Variants in CENPM observed in about 807,000 individuals in gnomAD.
CENPM encodes the protein interphase centromere complex protein 39.
A neutral mutation model predicts 19.6 loss-of-function variants in CENPM; 14 were observed. That is an observed-to-expected ratio of 0.71 (90% CI 0.47 to 1.11). CENPM has a LOEUF of 1.11. Among genes scored for constraint, CENPM ranks in the 50% most tolerant of loss-of-function variants. The pLI, the probability that CENPM is intolerant of heterozygous loss-of-function variation, is 0.00. For synonymous variants in CENPM, 114 were observed against 101.5 expected (o/e 1.12, Z -0.74); for missense variants, 239 against 228.4 (o/e 1.05, Z -0.30).
rs1258390890 is a variant in CENPM at position 41,947,024 on chromosome 22, A to G, written c.53T>C (p.Ile18Thr). Residue 18 changes from isoleucine to threonine, a missense_variant, in exon 1 of 6, where the codon ATC becomes ACC. By Grantham distance (89) the Ile-to-Thr change is moderately conservative (BLOSUM62 -1). Transcript: ENST00000215980. ...AGCAGGGCCGCCTGCACCTACCAAGATGGTGGCCGTGTTCAGGCCGGGCAG... is the reference window on the plus strand; with the variant it reads ...AGCAGGGCCGCCTGCACCTACCAAGGTGGTGGCCGTGTTCAGGCCGGGCAG... ...DKLPGLNTAT[I>T]LLVGTEDALL... 2 of 1,612,736 alleles carry G rather than the reference A, an allele frequency of 1.2e-6. No individual in the cohort carries two copies. The highest frequency in any genetic ancestry group is 2.2e-5 in the East Asian group (1 of 44,878).
At chr22:41,938,733 C>T (rs2077696502), downstream of CENPM, 1 of 266,020 alleles carries the variant, frequency 3.8e-6, no homozygotes, top group African/African-American at 2.2e-5. Context: ...GTGAATGAGA[C>T]CAGTGATTTT....
chr22:41,935,649 G>T (rs1031373707), downstream of CENPM, among the ~76,000 whole-genome samples: 1 of 152,134 alleles, frequency 6.6e-6, no homozygotes, highest in Non-Finnish European at 1.5e-5. Context: ...TTTGCTGCGG[G>T]CGAAGGCCTG....
At chr22:41,932,560 A>G in the CENPM span, among the ~76,000 whole-genome samples, 2 of 152,192 alleles carry the variant, frequency 1.3e-5, no homozygotes, top group Admixed American at 1.3e-4. This position sits in a 1 kb window ranked among gnomAD's most constrained non-coding sequence, Gnocchi z 4.3. Context: ...ACGTGCGCAC[A>G]CACGCGCGCT....
chr22:41,938,459 G>A (rs1419499396), downstream of CENPM, among the ~76,000 whole-genome samples: 6 of 137,794 alleles, frequency 4.4e-5, no homozygotes, highest in Non-Finnish European at 6.0e-5. Flanking sequence ...TCCGCCTCCC[G>A]GGTTCAAGTG....
At chr22:41,946,540 AC>A (rs745647183) in intron 1 of CENPM, 44 bp from the exon 2 acceptor site, 10 of 1,549,858 alleles carry the variant, frequency 6.5e-6, no homozygotes, top group Admixed American at 3.4e-5. Context: ...TAGGCACAGC[AC>A]CCCCTGGGGA....
At chr22:41,927,893 C>T in the CENPM span, among the ~76,000 whole-genome samples, 2 of 152,150 alleles carry the variant, frequency 1.3e-5, no homozygotes, top group Non-Finnish European at 2.9e-5. Flanking sequence ...AGCCTCGCAG[C>T]AAGGGCACCA....
downstream of CENPM, among the ~76,000 whole-genome samples, chr22:41,934,291 C>T (rs893006401): frequency 5.3e-5 from 8 of 152,206 alleles, no homozygotes; most frequent in African/African-American, 1.9e-4. Flanking sequence ...CCATGGAGAA[C>T]GTGAACTCCC....
At chr22:41,927,538 A>C in the CENPM span, among the ~76,000 whole-genome samples, 1 of 148,162 alleles carries the variant, frequency 6.7e-6, no homozygotes, top group Non-Finnish European at 1.5e-5. Flanking sequence ...TTTTTGAAAA[A>C]GAGTCTGGCT....
At chr22:41,927,210 G>A in the CENPM span, among the ~76,000 whole-genome samples, 1 of 152,022 alleles carries the variant, frequency 6.6e-6, no homozygotes, top group Admixed American at 6.5e-5. Flanking sequence ...GTGAGCCACC[G>A]CACCCGGCCT....
intron 1 of CENPM, 28 bp downstream of exon 1, chr22:41,946,992 C>CG (rs779527392): frequency 1.9e-6 from 3 of 1,610,924 alleles, no homozygotes; most frequent in Non-Finnish European, 1.7e-6. Context: ...GAAAAACCGG[C>CG]GGGGGAAGCA....
At position 41,944,781 on chromosome 22, in the gene CENPM, T is replaced by TC. The variant is rs1491090034; in HGVS notation, c.310+443_310+444insG. 6 of 1,001,588 alleles carry TC rather than the reference T, an allele frequency of 6.0e-6. 1 individual carries two copies. The South Asian group carries it at 2.1e-4, about 35-fold the overall frequency. 62.0% of individuals were successfully genotyped at this position (1,001,588 alleles called of 1,614,324 possible). A position where few individuals can be genotyped will look rare whatever the true frequency, so the allele number is the denominator to read the frequency against. Reference sequence around the variant, plus strand: ...GCAGAGGCCAAACTGCAAAGTGTTTTATGTCTTTAGAGTTTGGATTTTACC... The same window carrying TC: ...GCAGAGGCCAAACTGCAAAGTGTTTTCATGTCTTTAGAGTTTGGATTTTACC... On this transcript the variant is annotated intron_variant, in intron 4 of 5. Coordinates refer to ENST00000215980, the MANE Select transcript of CENPM (RefSeq NM_024053.5).
At chr22:41,929,637 A>G in the CENPM span, among the ~76,000 whole-genome samples, 1 of 152,194 alleles carries the variant, frequency 6.6e-6, no homozygotes, top group African/African-American at 2.4e-5. Context: ...GCCAGCTGCT[A>G]AGAGCAGCAG....
At position 41,947,005 on chromosome 22, in the gene CENPM, G is replaced by A. The variant is rs1556208242; in HGVS notation, c.57+15C>T. 1 of 1,612,100 alleles carries A rather than the reference G, an allele frequency of 6.2e-7. No homozygotes were observed. Among genetic ancestry groups the A allele is most frequent in the South Asian group, 1.1e-5 (1 of 91,080 alleles). On this transcript the variant is annotated intron_variant, in intron 1 of 5. Transcript: ENST00000215980. ...AGGAAAAACCGGCGGGGGAAGCAGG[G>A]CCGCCTGCACCTACCAAGATGGTGG...
At chr22:41,939,868 G>GAA (rs1403549135) in intron 5 of CENPM, among the ~76,000 whole-genome samples, 173 of 9,288 alleles carry the variant, frequency 0.019, 22 homozygotes, top group African/African-American at 0.077. Flanking sequence ...AAGAAAGAAA[G>GAA]AAAGAAAGAA....
intron 5 of CENPM, among the ~76,000 whole-genome samples, chr22:41,943,152 G>C (rs1300116657): frequency 6.6e-6 from 1 of 152,126 alleles, no homozygotes; most frequent in Non-Finnish European, 1.5e-5. Context: ...AGAGAGTTAA[G>C]GGGAAATCAG....
chr22:41,928,941 G>A, the CENPM span, among the ~76,000 whole-genome samples: 1 of 152,076 alleles, frequency 6.6e-6, no homozygotes, highest in East Asian at 1.9e-4. The surrounding 1 kb of genome is among the most constrained non-coding windows in gnomAD (Gnocchi z 4.0). Flanking sequence ...GACCCTGAAG[G>A]TTCACAAAGA....
intron 1 of CENPM, 170 bp from the exon 2 acceptor site, chr22:41,946,666 T>A (rs1243948876): frequency 1.6e-6 from 1 of 619,408 alleles, no homozygotes; most frequent in East Asian, 2.8e-5. Flanking sequence ...GGGCCTGAGG[T>A]TTGGACCCGC....
At chr22:41,946,594 G>T in intron 1 of CENPM, 98 bp from the exon 2 acceptor site, 1 of 959,376 alleles carries the variant, frequency 1.0e-6, no homozygotes, top group South Asian at 1.5e-5. Flanking sequence ...TCGGGACACC[G>T]CCAGCAGGCG....
chr22:41,946,273 C>T (rs1569428722), intron 2 of CENPM, 144 bp downstream of exon 2: 2 of 730,232 alleles, frequency 2.7e-6, no homozygotes, highest in Admixed American at 2.6e-5. Flanking sequence ...TATAAGACGG[C>T]ATGGGACTAG....
Sources: allele counts gnomAD v4.1 joint callset (sites outside exome capture counted in the v4.1 genomes callset), GRCh38; gene constraint gnomAD v4.1.1; non-coding constraint Gnocchi (gnomAD v3.1); transcripts MANE v1.5; gene names NCBI Gene and HGNC (gene_info 2026-07-23, HGNC 2026-07-21).